Variants in GRID1 observed in about 807,000 individuals in gnomAD.
GRID1 encodes glutamate ionotropic receptor delta type subunit 1.
In GRID1, 28 loss-of-function variants were observed where a neutral mutation model predicts 98.0. The ratio of observed to expected loss-of-function variants is 0.29; its 90% CI spans 0.21 to 0.39. The LOEUF is 0.39. Ranked by LOEUF, GRID1 falls within the 10% of genes least tolerant of loss-of-function variation. The pLI, the probability that GRID1 is intolerant of heterozygous loss-of-function variation, is 1.00. For synonymous variants in GRID1, 553 were observed against 538.5 expected (o/e 1.03, Z -0.37); for missense variants, 1,111 against 1,340.5 (o/e 0.83, Z 2.67).
At chr10:86,222,881 G>C (rs574336104) in intron 2 of GRID1, among the ~76,000 whole-genome samples, 33 of 152,278 alleles carry the variant, frequency 2.2e-4, no homozygotes, top group African/African-American at 7.5e-4. Flanking sequence ...GCAAGGGCTA[G>C]GAGTGTCAGG....
At chr10:85,652,030 T>C (rs1015762590) in intron 12 of GRID1, among the ~76,000 whole-genome samples, 9 of 152,236 alleles carry the variant, frequency 5.9e-5, no homozygotes, top group Non-Finnish European at 4.4e-5. Context: ...GCTGAAAGCA[T>C]AGCTGATACC....
Position 85,897,343 on chromosome 10 carries a change from A to G in GRID1, c.780+18843T>C, listed in dbSNP as rs150233941. On this transcript the variant is annotated intron_variant, in intron 5 of 15. Coordinates refer to ENST00000327946, the MANE Select transcript of GRID1 (RefSeq NM_017551.3). ...TCTTTCAAAAAATAGGCAAACTGTCATAATGGTTGGCTGGGAAGTTCTCTG... is the reference window on the plus strand; with the variant it reads ...TCTTTCAAAAAATAGGCAAACTGTCGTAATGGTTGGCTGGGAAGTTCTCTG... 2.3e-3 allele frequency among the ~76,000 whole-genome samples: 349 copies of G among 152,336 alleles called. 3 individuals are homozygous for G. The highest frequency in any genetic ancestry group is 7.9e-3 in the African/African-American group (330 of 41,586).
At chr10:86,034,970 ATGGATGGTGGGTG>A (rs1843238894) in intron 4 of GRID1, among the ~76,000 whole-genome samples, 1 of 150,852 alleles carries the variant, frequency 6.6e-6, no homozygotes, top group African/African-American at 2.4e-5. Flanking sequence ...GGTTGGATGG[ATGGATGGTGGGTG>A]GATGGATAAG....
intron 2 of GRID1, among the ~76,000 whole-genome samples, chr10:86,249,741 A>C (rs1846790893): frequency 1.3e-5 from 2 of 152,188 alleles, no homozygotes; most frequent in Non-Finnish European, 2.9e-5. Context: ...TTCCTTGAGA[A>C]AGCCTCCAAT....
intron 12 of GRID1, among the ~76,000 whole-genome samples, chr10:85,689,260 A>G (rs1451815149): frequency 6.6e-6 from 1 of 152,224 alleles, no homozygotes; most frequent in Non-Finnish European, 1.5e-5. Flanking sequence ...CTAATAAGGA[A>G]AGAGCCAGGA....
intron 2 of GRID1, among the ~76,000 whole-genome samples, chr10:86,313,356 G>A (rs1440138335): frequency 1.3e-5 from 2 of 152,170 alleles, no homozygotes; most frequent in East Asian, 3.8e-4. Context: ...AGGATACAGA[G>A]GTTCCTAGAG....
chr10:86,289,402 C>T (rs1297326280), intron 2 of GRID1, among the ~76,000 whole-genome samples: 1 of 152,018 alleles, frequency 6.6e-6, no homozygotes, highest in Non-Finnish European at 1.5e-5. Flanking sequence ...CCTTCAGACC[C>T]CTCGGCTGCC....
chr10:86,319,834 C>CT (rs1299387355), intron 2 of GRID1, among the ~76,000 whole-genome samples: 1 of 152,226 alleles, frequency 6.6e-6, no homozygotes, highest in East Asian at 1.9e-4. Context: ...TCCTTCTACT[C>CT]TATCAAATTC....
At chr10:86,204,924 C>T (rs540017108) in intron 3 of GRID1, among the ~76,000 whole-genome samples, 1 of 151,820 alleles carries the variant, frequency 6.6e-6, no homozygotes, top group Non-Finnish European at 1.5e-5. Flanking sequence ...CCTAAGAGAT[C>T]CCTGCAGGCA....
intron 4 of GRID1, among the ~76,000 whole-genome samples, chr10:86,130,912 A>C (rs547880842): frequency 2.0e-5 from 3 of 152,144 alleles, no homozygotes; most frequent in Non-Finnish European, 4.4e-5. Flanking sequence ...CGCTCACCCC[A>C]GTTCCTGCAC....
intron 2 of GRID1, among the ~76,000 whole-genome samples, chr10:86,241,391 T>C (rs1246189136): frequency 6.6e-6 from 1 of 152,140 alleles, no homozygotes; most frequent in Non-Finnish European, 1.5e-5. Context: ...AAGTTAAGAG[T>C]GAGGCATCTT....
Position 86,138,996 on chromosome 10 carries a change from G to C in GRID1, c.549C>G (p.Asp183Glu), listed in dbSNP as rs1440342213. 3 of 1,613,798 alleles carry C rather than the reference G, an allele frequency of 1.9e-6. No homozygotes were observed. Among genetic ancestry groups the C allele is most frequent in the Non-Finnish European group, 2.5e-6 (3 of 1,179,760 alleles). The change falls in exon 4 of 16, where the codon GAC becomes GAG. Residue 183 changes from aspartate to glutamate, a missense_variant. Asp to Glu is a conservative substitution (Grantham distance 45, BLOSUM62 2). Coordinates refer to ENST00000327946, the MANE Select transcript of GRID1 (RefSeq NM_017551.3). ...CGTCAAGGCCCAGCCGCGAGGCCTG[G>C]TCCAGAAAGCTTTGAAGCCCACGGA... ...YDIRGLQSFL[D>E]QASRLGLDVS...
chr10:86,100,361 T>C (rs79311046), intron 4 of GRID1, among the ~76,000 whole-genome samples: 2,097 of 152,248 alleles, frequency 0.014, 60 homozygotes, highest in African/African-American at 0.049. Context: ...TTCAATCATT[T>C]AGTCAAATAT....
At chr10:86,244,573 G>T (rs529383782) in intron 2 of GRID1, among the ~76,000 whole-genome samples, 2 of 152,202 alleles carry the variant, frequency 1.3e-5, no homozygotes. Context: ...CCACCCCCTC[G>T]TTAATCATCC....
intron 2 of GRID1, among the ~76,000 whole-genome samples, chr10:86,268,088 T>C (rs1289645340): frequency 1.3e-5 from 2 of 152,184 alleles, no homozygotes; most frequent in East Asian, 3.9e-4. Flanking sequence ...AGTAAGCTTC[T>C]GGAGGGGCCC....
At chr10:86,128,740 C>T (rs1844791705) in intron 4 of GRID1, among the ~76,000 whole-genome samples, 2 of 152,140 alleles carry the variant, frequency 1.3e-5, no homozygotes, top group South Asian at 4.1e-4. Flanking sequence ...TTGACCTTGC[C>T]CAGGGTCACA....
intron 2 of GRID1, among the ~76,000 whole-genome samples, chr10:86,236,400 G>C (rs1367808910): frequency 1.3e-5 from 2 of 152,186 alleles, no homozygotes; most frequent in African/African-American, 4.8e-5. Flanking sequence ...TTGTAGTAAA[G>C]AACAAGGATG....
Position 86,295,580 on chromosome 10 carries a change from G to A in GRID1, c.235+68361C>T, listed in dbSNP as rs538553793. On this transcript the variant is annotated intron_variant, in intron 2 of 15. Transcript: ENST00000327946. The stretch of plus-strand genomic sequence containing the variant: ...AGGAGAGAGGAGGTGTTGCAGATGC[G>A]GAAAGAGAGGGGAAGGTCAGACGGA... Among the ~76,000 whole-genome samples, 5 of 152,314 alleles carry A rather than the reference G, an allele frequency of 3.3e-5. No homozygotes were observed. The East Asian group carries it at 5.8e-4, about 18-fold the overall frequency.
rs1841788937 is a variant in GRID1, at chr10:85,728,621, C to G, written c.1336-569G>C. Among the ~76,000 whole-genome samples, 3 of 152,344 alleles carry G rather than the reference C, an allele frequency of 2.0e-5. No individual in the cohort carries two copies. The South Asian group carries it at 6.2e-4, about 32-fold the overall frequency. Reference sequence around the variant, plus strand: ...GTTCCTAGTTCAAAGCCATGCCATGCTCACACCTGCACATGTTGTGCTATG... The same window carrying G: ...GTTCCTAGTTCAAAGCCATGCCATGGTCACACCTGCACATGTTGTGCTATG... On this transcript the variant is annotated intron_variant, in intron 9 of 15. Transcript: ENST00000327946.
Sources: allele counts gnomAD v4.1 joint callset (sites outside exome capture counted in the v4.1 genomes callset), GRCh38; gene constraint gnomAD v4.1.1; transcripts MANE v1.5; gene names NCBI Gene and HGNC (gene_info 2026-07-23, HGNC 2026-07-21).